SNX2: variants seen among roughly 807,000 people sequenced by gnomAD.
SNX2 encodes sorting nexin-2.
Under a neutral mutation model 69.9 loss-of-function variants are expected in SNX2, and 25 were observed. That is an observed-to-expected ratio of 0.36 (90% confidence interval 0.26 to 0.50). The LOEUF is 0.50. SNX2 is among the 20% of genes least tolerant of loss of function. SNX2 has a pLI of 0.97. For missense variants in SNX2, 551 were observed against 613.3 expected, an observed-to-expected ratio of 0.90 and a Z score of 1.07; for synonymous variants, 229 against 200.4, an observed-to-expected ratio of 1.14 and a Z score of -1.20.
chr5:122,829,802 ACACACACACT>A lies in SNX2; in HGVS notation c.*156_*165del. 6.8e-6 allele frequency: 4 copies of A among 592,182 alleles called. No homozygotes were observed. The highest frequency in any genetic ancestry group is 3.2e-5 in the East Asian group (1 of 31,228). 36.7% of individuals were successfully genotyped at this position (592,182 alleles called of 1,614,324 possible). ...CACACACACACACACACACACACAC[ACACACACACT>A]CTGACATTTTATTACAAGCTGCATG... On this transcript the variant is annotated 3_prime_UTR_variant, in exon 15 of 15. Coordinates refer to ENST00000379516, the MANE Select transcript of SNX2 (RefSeq NM_003100.4).
chr5:122,775,007 G>C, upstream of SNX2: 1 of 1,227,690 alleles, frequency 8.1e-7, no homozygotes, highest in Non-Finnish European at 1.1e-6. Flanking sequence ...GGCCGGCCGG[G>C]GGCGGGGAGG....
At chr5:122,804,514 C>T (rs918669146) in intron 6 of SNX2, among the ~76,000 whole-genome samples, 1 of 151,928 alleles carries the variant, frequency 6.6e-6, no homozygotes, top group Non-Finnish European at 1.5e-5. Context: ...TGCAGGCACA[C>T]ACCACCATGC....
intron 6 of SNX2, among the ~76,000 whole-genome samples, chr5:122,805,045 A>C (rs1434872360): frequency 2.0e-5 from 3 of 151,778 alleles, no homozygotes; most frequent in Non-Finnish European, 4.4e-5. Context: ...TAATCTCGGC[A>C]CTTTGGGAGA....
chr5:122,785,278 TTTG>T (rs919956318), intron 1 of SNX2, among the ~76,000 whole-genome samples: 12 of 151,740 alleles, frequency 7.9e-5, no homozygotes, highest in East Asian at 1.9e-4. Context: ...CTAGTTTTTT[TTTG>T]TTGTTGTTGT....
Position 122,800,554 on chromosome 5 carries a change from T to A in SNX2, c.390+699T>A, listed in dbSNP as rs957488459. On this transcript the variant is annotated intron_variant, in intron 3 of 14. Coordinates refer to ENST00000379516, the MANE Select transcript of SNX2 (RefSeq NM_003100.4). The stretch of plus-strand genomic sequence containing the variant: ...GGGCTAGATGTCAGGGTAGTGGTTA[T>A]GTTGGCAGGTAAAGAATGGGTAGTA... 7.9e-5 allele frequency among the ~76,000 whole-genome samples: 12 copies of A among 152,306 alleles called. No homozygotes were observed. In the South Asian group the frequency reaches 2.1e-3, roughly 26 times the overall value.
chr5:122,819,111 A>G (rs1050000238), intron 11 of SNX2, 88 bp downstream of exon 11: 97 of 986,436 alleles, frequency 9.8e-5, no homozygotes, highest in Non-Finnish European at 1.5e-4. Flanking sequence ...ACATGTCTAA[A>G]TTCCTCCTAT....
intron 6 of SNX2, among the ~76,000 whole-genome samples, chr5:122,806,394 G>T (rs1424801407): frequency 3.3e-5 from 5 of 151,992 alleles, no homozygotes; most frequent in Admixed American, 6.6e-5. Context: ...TACACTTATA[G>T]CAGGGAGCAT....
intron 2 of SNX2, 40 bp downstream of exon 2, chr5:122,795,423 C>G (rs1177810603): frequency 7.7e-7 from 1 of 1,300,424 alleles, no homozygotes; most frequent in Non-Finnish European, 1.1e-6. Flanking sequence ...TGGTCAATTG[C>G]AGTATATTTT....
intron 7 of SNX2, among the ~76,000 whole-genome samples, chr5:122,812,561 A>G (rs1305902545): frequency 6.6e-6 from 1 of 152,126 alleles, no homozygotes; most frequent in Non-Finnish European, 1.5e-5. Context: ...CACCAACCAC[A>G]TCTTAAATAC....
chr5:122,787,062 A>T (rs1010864036), intron 1 of SNX2, among the ~76,000 whole-genome samples: 2 of 152,212 alleles, frequency 1.3e-5, no homozygotes, highest in African/African-American at 4.8e-5. Flanking sequence ...ACAGGCAGAG[A>T]AGCCATCAGT....
intron 6 of SNX2, among the ~76,000 whole-genome samples, chr5:122,807,455 A>G (rs10060420): frequency 0.35 from 53,924 of 151,972 alleles, 10,222 homozygotes; most frequent in African/African-American, 0.46. Flanking sequence ...TTCTCTAAGT[A>G]TTTACCTATT....
At chr5:122,809,257 G>A (rs1044184858) in intron 7 of SNX2, among the ~76,000 whole-genome samples, 1 of 152,138 alleles carries the variant, frequency 6.6e-6, no homozygotes, top group Non-Finnish European at 1.5e-5. Context: ...TTCTATCAGG[G>A]ATTTGAACAT....
intron 1 of SNX2, among the ~76,000 whole-genome samples, chr5:122,794,365 T>G (rs1262932635): frequency 5.3e-5 from 8 of 152,156 alleles, no homozygotes; most frequent in Admixed American, 5.2e-4. Context: ...AGATGAAATA[T>G]AAATGTCTTG....
rs1342315712 is a variant in SNX2, at chr5:122,830,385, T to A, written c.*737T>A. On this transcript the variant is annotated 3_prime_UTR_variant, in exon 15 of 15. Coordinates refer to ENST00000379516, the MANE Select transcript of SNX2 (RefSeq NM_003100.4). The stretch of plus-strand genomic sequence containing the variant: ...ACCATCTCTATTACAAGTGCCCAAT[T>A]TAAGAATTAGGAAAAAAATGTATTT... Among the ~76,000 whole-genome samples, 1 of 152,214 alleles carries A rather than the reference T, an allele frequency of 6.6e-6. No homozygotes were observed. The highest frequency in any genetic ancestry group is 1.9e-4 in the East Asian group (1 of 5,196).
intron 2 of SNX2, among the ~76,000 whole-genome samples, chr5:122,795,889 G>A (rs749407705): frequency 2.6e-5 from 4 of 152,162 alleles, no homozygotes; most frequent in Admixed American, 2.6e-4. Flanking sequence ...AGGATTTGGT[G>A]TAGTTCATCC....
rs200768086 is a variant in SNX2 at position 122,802,072 on chromosome 5, T to C, written c.458-9T>C. On this transcript the variant is annotated splice_polypyrimidine_tract_variant and intron_variant, in intron 4 of 14. Coordinates refer to ENST00000379516, the MANE Select transcript of SNX2 (RefSeq NM_003100.4). ...TGATTTTAATAGTAGTGTTTGACTT[T>C]TTTTGCAGGTGATGGCATGAATGCC... is the stretch of plus-strand genomic sequence containing the variant. The C allele has an allele frequency of 1.1e-5, 18 of 1,612,916 alleles. No individual in the cohort carries two copies. In the Admixed American group the frequency reaches 2.3e-4, roughly 21 times the overall value.
At chr5:122,782,102 A>G (rs1054163120) in intron 1 of SNX2, among the ~76,000 whole-genome samples, 2 of 152,218 alleles carry the variant, frequency 1.3e-5, no homozygotes, top group Non-Finnish European at 2.9e-5. Flanking sequence ...TAGCCATTCT[A>G]AGAGGTGTTT....
At chr5:122,777,980 G>A (rs6595408) in intron 1 of SNX2, among the ~76,000 whole-genome samples, 59,864 of 151,944 alleles carry the variant, frequency 0.39, 12,306 homozygotes, top group African/African-American at 0.47. Context: ...TTTGACTATT[G>A]GCCTCTTCCC....
intron 1 of SNX2, among the ~76,000 whole-genome samples, chr5:122,794,392 GT>G (rs1753328055): frequency 6.6e-6 from 1 of 152,160 alleles, no homozygotes; most frequent in Non-Finnish European, 1.5e-5. Context: ...CACATTTTTA[GT>G]TTGAAGCGAT....
Sources: allele counts gnomAD v4.1 joint callset (sites outside exome capture counted in the v4.1 genomes callset), GRCh38; gene constraint gnomAD v4.1.1; transcripts MANE v1.5; gene names NCBI Gene and HGNC (gene_info 2026-07-23, HGNC 2026-07-21).